The following NEGR1 variants were observed in gnomAD, a reference collection of about 807,000 sequenced individuals.
NEGR1 encodes IgLON family member 4.
In NEGR1, 10 loss-of-function variants were observed where a neutral mutation model predicts 40.9. The observed-to-expected ratio is 0.24, with a 90% CI of 0.15 to 0.42. The LOEUF (loss-of-function observed/expected upper bound fraction) is 0.42, where lower values mean the gene tolerates loss of function less well. Among genes scored for constraint, NEGR1 ranks in the 10% least tolerant of loss-of-function variants. The pLI, the probability that NEGR1 is intolerant of heterozygous loss-of-function variation, is 1.00. For synonymous variants in NEGR1, 185 were observed against 166.8 expected, an observed-to-expected ratio of 1.11 and a Z score of -0.84; for missense variants, 352 against 438.9, an observed-to-expected ratio of 0.80 and a Z score of 1.77.
intron 4 of NEGR1, among the ~76,000 whole-genome samples, chr1:71,633,436 T>G (rs982659086): frequency 2.0e-5 from 3 of 152,128 alleles, no homozygotes; most frequent in African/African-American, 7.2e-5. Context: ...TGTGATTATG[T>G]TCTGGGAAGA....
At position 71,400,679 on chromosome 1, in the gene NEGR1, A is replaced by G. The variant is rs1646241145; in HGVS notation, c.*6767T>C. The G allele has an allele frequency of 6.6e-6, 1 of 151,698 alleles. No individual in the cohort carries two copies. The highest frequency in any genetic ancestry group is 2.4e-5 in the African/African-American group (1 of 41,300). 9.4% of individuals were successfully genotyped at this position (151,698 alleles called of 1,614,324 possible). On this transcript the variant is annotated 3_prime_UTR_variant, in exon 7 of 7. Transcript: ENST00000357731. Reference sequence around the variant, plus strand: ...TTTTTTTTTTTTGGGTCATTAAAGTAGGCATTACATTATCAAAGCTCAAAA... The same window carrying G: ...TTTTTTTTTTTTGGGTCATTAAAGTGGGCATTACATTATCAAAGCTCAAAA...
intron 1 of NEGR1, among the ~76,000 whole-genome samples, chr1:71,977,108 AGGTCAGGAGTTTGAGACCAATCT>A (rs1375968027): frequency 1.3e-5 from 2 of 152,176 alleles, no homozygotes; most frequent in Non-Finnish European, 2.9e-5. Flanking sequence ...GGACTGTCTG[AGGTCAGGAGTTTGAGACCAATCT>A]GGCCAACATG....
At chr1:71,935,781 G>GTTTA (rs949113375) in intron 1 of NEGR1, among the ~76,000 whole-genome samples, 15 of 151,894 alleles carry the variant, frequency 9.9e-5, no homozygotes, top group Non-Finnish European at 1.8e-4. Flanking sequence ...ATAAGGGTGG[G>GTTTA]TTTATTTATT....
intron 1 of NEGR1, among the ~76,000 whole-genome samples, chr1:72,028,214 A>G (rs12024501): frequency 0.17 from 26,194 of 152,114 alleles, 2,879 homozygotes; most frequent in East Asian, 0.44. Context: ...TTACTCCAGC[A>G]TAGCAGTAAT....
intron 2 of NEGR1, among the ~76,000 whole-genome samples, chr1:71,920,241 C>T (rs559681930): frequency 1.3e-5 from 2 of 152,304 alleles, no homozygotes; most frequent in East Asian, 3.9e-4. Flanking sequence ...TGTCCTGTTC[C>T]TACTCCTTCC....
chr1:71,759,864 C>G (rs1655881836), intron 3 of NEGR1, among the ~76,000 whole-genome samples: 1 of 151,934 alleles, frequency 6.6e-6, no homozygotes, highest in African/African-American at 2.4e-5. Context: ...CCACCTCGGC[C>G]TCCCAAATTA....
intron 4 of NEGR1, among the ~76,000 whole-genome samples, chr1:71,679,013 T>A (rs568834601): frequency 6.6e-6 from 1 of 152,240 alleles, no homozygotes; most frequent in East Asian, 1.9e-4. Flanking sequence ...CAAGTTTGTG[T>A]TTTGTAAAGA....
At chr1:71,944,686 C>T (rs191962121) in intron 1 of NEGR1, among the ~76,000 whole-genome samples, 2 of 152,152 alleles carry the variant, frequency 1.3e-5, no homozygotes, top group African/African-American at 4.8e-5. Context: ...AAAATGAATT[C>T]TGTTCCCCAC....
At chr1:72,162,956 G>A (rs1272801032) in intron 1 of NEGR1, among the ~76,000 whole-genome samples, 1 of 152,016 alleles carries the variant, frequency 6.6e-6, no homozygotes, top group Non-Finnish European at 1.5e-5. Flanking sequence ...TTATAAGGTA[G>A]GAATGCTGTG....
chr1:71,931,097 C>A (rs570535634), intron 2 of NEGR1, among the ~76,000 whole-genome samples: 4 of 152,200 alleles, frequency 2.6e-5, no homozygotes, highest in African/African-American at 4.8e-5. Flanking sequence ...AAGTGTAGCA[C>A]CCCACCTATT....
chr1:72,214,492 T>A (rs1382633481), intron 1 of NEGR1, among the ~76,000 whole-genome samples: 1 of 152,134 alleles, frequency 6.6e-6, no homozygotes, highest in African/African-American at 2.4e-5. Flanking sequence ...AAAAACTCCT[T>A]AAGCTGATAA....
intron 6 of NEGR1, among the ~76,000 whole-genome samples, chr1:71,426,857 T>C (rs1646431990): frequency 6.6e-6 from 1 of 152,216 alleles, no homozygotes; most frequent in African/African-American, 2.4e-5. Flanking sequence ...TATTATGGGC[T>C]TAATTGCTTC....
chr1:71,554,085 T>C (rs1648173477), intron 6 of NEGR1, among the ~76,000 whole-genome samples: 1 of 151,564 alleles, frequency 6.6e-6, no homozygotes, highest in Admixed American at 6.6e-5. Context: ...GTTGTTTTGC[T>C]TTCATCTTTA....
intron 1 of NEGR1, among the ~76,000 whole-genome samples, chr1:72,143,002 G>A (rs1650744863): frequency 6.6e-6 from 1 of 151,950 alleles, no homozygotes; most frequent in African/African-American, 2.4e-5. Context: ...AAAGTTTAAT[G>A]AAAATCTGTA....
chr1:71,906,220 T>G (rs1271646531), intron 2 of NEGR1, among the ~76,000 whole-genome samples: 1 of 151,870 alleles, frequency 6.6e-6, no homozygotes, highest in Non-Finnish European at 1.5e-5. Context: ...TATAATGGGC[T>G]TTAGGGACTT....
At chr1:71,737,543 T>G (rs564053383) in intron 3 of NEGR1, among the ~76,000 whole-genome samples, 14 of 152,288 alleles carry the variant, frequency 9.2e-5, no homozygotes, top group African/African-American at 3.4e-4. Flanking sequence ...TAAAGAATTT[T>G]GGGGTATATA....
chr1:71,806,898 GT>G (rs1372210702), intron 2 of NEGR1, among the ~76,000 whole-genome samples: 1 of 135,768 alleles, frequency 7.4e-6, no homozygotes, highest in African/African-American at 2.9e-5. Flanking sequence ...GTTTTTTTTT[GT>G]TTTTTTTTTT....
chr1:71,414,751 A>G (rs1387873778), intron 6 of NEGR1, among the ~76,000 whole-genome samples: 1 of 152,150 alleles, frequency 6.6e-6, no homozygotes, highest in Non-Finnish European at 1.5e-5. Context: ...TTAGGGTTGA[A>G]GAATGCCCGA....
intron 2 of NEGR1, among the ~76,000 whole-genome samples, chr1:71,930,442 T>G (rs914645136): frequency 1.3e-5 from 2 of 152,254 alleles, no homozygotes; most frequent in East Asian, 3.9e-4. Context: ...TGAAAGTATA[T>G]GAAAATCATA....
Sources: gnomAD v4.1 joint callset for allele counts (sites outside exome capture counted in the v4.1 genomes callset) on GRCh38, gnomAD v4.1.1 for gene constraint, MANE v1.5 for transcripts, NCBI Gene and HGNC (gene_info 2026-07-23, HGNC 2026-07-21) for gene names.